Variants in KCNU1 observed in about 807,000 individuals in gnomAD.
KCNU1 encodes the protein potassium calcium-activated channel subfamily U member 1.
Under a neutral mutation model 126.8 loss-of-function variants are expected in KCNU1, and 93 were observed. That is an observed-to-expected ratio of 0.73 (90% confidence interval 0.62 to 0.87). The LOEUF is 0.87. Ranked by LOEUF, KCNU1 falls within the 40% of genes least tolerant of loss-of-function variation. The probability of loss-of-function intolerance (pLI) is 0.00; values close to 1 mark genes in which losing one functional copy is unlikely to be tolerated. For missense variants in KCNU1, 1,330 were observed against 1,367.1 expected (o/e 0.97, Z 0.43); for synonymous variants, 523 against 494.2 (o/e 1.06, Z -0.77).
chr8:36,867,363 C>T (rs1198574330), intron 19 of KCNU1, among the ~76,000 whole-genome samples: 1 of 152,112 alleles, frequency 6.6e-6, no homozygotes, highest in Non-Finnish European at 1.5e-5. Context: ...CATGCAGCAG[C>T]TAGCCAGCCT....
intron 16 of KCNU1, among the ~76,000 whole-genome samples, chr8:36,845,199 T>C (rs924927529): frequency 6.6e-6 from 1 of 152,238 alleles, no homozygotes; most frequent in African/African-American, 2.4e-5. Context: ...GCACTACTAG[T>C]ATGACGCTAA....
chr8:36,820,409 G>A (rs749939244), intron 10 of KCNU1, among the ~76,000 whole-genome samples: 6 of 152,104 alleles, frequency 3.9e-5, no homozygotes, highest in Non-Finnish European at 8.8e-5. Flanking sequence ...AAGGCTGGAA[G>A]AGCAATGAGG....
intron 11 of KCNU1, 113 bp from the exon 12 acceptor site, chr8:36,834,673 C>T: frequency 1.6e-6 from 1 of 638,526 alleles, no homozygotes; most frequent in Non-Finnish European, 2.8e-6. Context: ...CCAAGTGTGT[C>T]CTCTTTTGTG....
chr8:36,785,020 A>G (rs1438452644), intron 1 of KCNU1, among the ~76,000 whole-genome samples: 1 of 152,234 alleles, frequency 6.6e-6, no homozygotes, highest in Non-Finnish European at 1.5e-5. Flanking sequence ...GTTCATGCAT[A>G]ATGCATATGT....
intron 18 of KCNU1, among the ~76,000 whole-genome samples, chr8:36,854,027 C>T (rs547506438): frequency 1.3e-5 from 2 of 152,226 alleles, no homozygotes; most frequent in South Asian, 4.2e-4. Context: ...TCATTCAGCG[C>T]TTTAAATATT....
intron 23 of KCNU1, among the ~76,000 whole-genome samples, chr8:36,921,679 A>C (rs1282831171): frequency 6.7e-6 from 1 of 149,658 alleles, no homozygotes; most frequent in African/African-American, 2.5e-5. Flanking sequence ...AAAAAAAAAA[A>C]AGAAGAGTCT....
At chr8:36,909,184 C>A in intron 20 of KCNU1, 127 bp from the exon 21 acceptor site, 1 of 663,042 alleles carries the variant, frequency 1.5e-6, no homozygotes, top group Non-Finnish European at 2.7e-6. Flanking sequence ...TTGCAAAATT[C>A]TATTCACCTT....
chr8:36,841,034 G>GTTTTTT (rs756308750), intron 16 of KCNU1, 31 bp downstream of exon 16: 243 of 564,396 alleles, frequency 4.3e-4, no homozygotes, highest in South Asian at 1.2e-3. Context: ...CTCTTCAGTT[G>GTTTTTT]TTTTTTTTTT....
At chr8:36,891,851 G>A (rs141381631) in intron 19 of KCNU1, among the ~76,000 whole-genome samples, 146 of 152,144 alleles carry the variant, frequency 9.6e-4, no homozygotes, top group African/African-American at 3.1e-3. Context: ...ATCCCTTGTA[G>A]ATGCTGAGTT....
chr8:36,820,590 G>A (rs1266009382), intron 10 of KCNU1, among the ~76,000 whole-genome samples: 1 of 150,900 alleles, frequency 6.6e-6, no homozygotes, highest in African/African-American at 2.4e-5. Flanking sequence ...AATCATGCAT[G>A]CTAAGGTATT....
chr8:36,933,213 A>G (rs1808754593), intron 26 of KCNU1, among the ~76,000 whole-genome samples, 181 bp downstream of exon 26: 1 of 152,074 alleles, frequency 6.6e-6, no homozygotes, highest in South Asian at 2.1e-4. Context: ...GGACCTGAAT[A>G]ATTAGGGTCC....
chr8:36,845,230 C>T (rs942625547), intron 16 of KCNU1, among the ~76,000 whole-genome samples: 5 of 151,750 alleles, frequency 3.3e-5, no homozygotes, highest in South Asian at 2.1e-4. Flanking sequence ...TGTGTGGTCT[C>T]GGCATATTTG....
intron 25 of KCNU1, 137 bp downstream of exon 25, chr8:36,931,282 C>A: frequency 4.0e-6 from 2 of 501,270 alleles, no homozygotes. Context: ...AAAAAGAATA[C>A]AAGTTTATAT....
Position 36,841,482 on chromosome 8 carries a change from A to G in KCNU1, c.1703+479A>G, listed in dbSNP as rs558819230. Among the ~76,000 whole-genome samples the G allele has an allele frequency of 2.6e-5, 4 of 152,280 alleles. No individual in the cohort carries two copies. The South Asian group carries it at 8.3e-4, about 32-fold the overall frequency. On this transcript the variant is annotated intron_variant, in intron 16 of 26. Coordinates refer to ENST00000399881, the MANE Select transcript of KCNU1 (RefSeq NM_001031836.3). ...TGAGGCAGGCGGATCACTTAAGGCC[A>G]GGAGTTCAAGAGCAGCCTGGCCAAC...
chr8:36,909,786 A>T (rs1807793833), intron 21 of KCNU1, among the ~76,000 whole-genome samples: 2 of 152,216 alleles, frequency 1.3e-5, no homozygotes, highest in Non-Finnish European at 2.9e-5. Context: ...AACTAACAAA[A>T]TTAAGATTTA....
chr8:36,852,716 G>A (rs1563295759), intron 18 of KCNU1, among the ~76,000 whole-genome samples: 3 of 151,962 alleles, frequency 2.0e-5, no homozygotes, highest in Admixed American at 2.0e-4. Flanking sequence ...CATATGATAT[G>A]CATAAGTATT....
chr8:36,837,895 T>A (rs1170627571), intron 14 of KCNU1, among the ~76,000 whole-genome samples: 1 of 145,422 alleles, frequency 6.9e-6, no homozygotes, highest in Admixed American at 7.4e-5. Flanking sequence ...GACCTCTCTT[T>A]GCTCGCTCTT....
intron 11 of KCNU1, among the ~76,000 whole-genome samples, chr8:36,834,008 A>T (rs1216888944): frequency 6.6e-6 from 1 of 152,222 alleles, no homozygotes; most frequent in African/African-American, 2.4e-5. Context: ...TTCTTACCAG[A>T]AGGCAGATCT....
chr8:36,928,257 T>C (rs1009150436), intron 24 of KCNU1, among the ~76,000 whole-genome samples: 4 of 152,150 alleles, frequency 2.6e-5, no homozygotes, highest in Non-Finnish European at 5.9e-5. Context: ...GTAAAGCACA[T>C]GTTTTCCTAG....
Sources: gnomAD v4.1 joint callset for allele counts (sites outside exome capture counted in the v4.1 genomes callset) on GRCh38, gnomAD v4.1.1 for gene constraint, MANE v1.5 for transcripts, NCBI Gene and HGNC (gene_info 2026-07-23, HGNC 2026-07-21) for gene names.